Variants in SNTB1 observed in about 807,000 individuals in gnomAD.
SNTB1 encodes the protein beta-1-syntrophin.
A neutral mutation model predicts 48.9 loss-of-function variants in SNTB1; 36 were observed. That is an observed-to-expected ratio of 0.74 (90% CI 0.56 to 0.97). The LOEUF is 0.97. SNTB1 is among the 50% of genes least tolerant of loss of function. The pLI is 0.00. For synonymous variants in SNTB1, 299 were observed against 294.6 expected (o/e 1.01, Z -0.15); for missense variants, 786 against 703.4 (o/e 1.12, Z -1.33).
intron 2 of SNTB1, chr8:120,638,008 A>G (rs1005213576): frequency 5.6e-6 from 1 of 178,328 alleles, no homozygotes; most frequent in African/African-American, 2.4e-5. Flanking sequence ...ATTAACACCA[A>G]CAGTAACAAT....
rs188109365 is a variant in SNTB1 at position 120,542,387 on chromosome 8, G to A, written c.1334-387C>T. On this transcript the variant is annotated intron_variant, in intron 5 of 6. Transcript: ENST00000517992. Reference sequence around the variant, plus strand: ...TTTAAATAAGGCCAGTGGGCATGCTGGCTCACACCTGTAATCCCAGCTTTT... The same window carrying A: ...TTTAAATAAGGCCAGTGGGCATGCTAGCTCACACCTGTAATCCCAGCTTTT... 4.6e-5 allele frequency among the ~76,000 whole-genome samples: 7 copies of A among 152,304 alleles called. No homozygotes were observed. In the East Asian group the frequency reaches 1.4e-3, roughly 29 times the overall value.
chr8:120,753,334 C>T (rs1429470885), intron 1 of SNTB1, among the ~76,000 whole-genome samples: 1 of 152,104 alleles, frequency 6.6e-6, no homozygotes, highest in African/African-American at 2.4e-5. Flanking sequence ...TTAAAAAGTT[C>T]TTCCTTTATG....
At chr8:120,690,407 T>G (rs956647472) in intron 2 of SNTB1, among the ~76,000 whole-genome samples, 1 of 152,212 alleles carries the variant, frequency 6.6e-6, no homozygotes, top group African/African-American at 2.4e-5. Flanking sequence ...TGAATATGTT[T>G]CTGTCTATTT....
chr8:120,539,025 T>C, intron 6 of SNTB1, 56 bp from the exon 7 acceptor site: 1 of 1,362,184 alleles, frequency 7.3e-7, no homozygotes, highest in Non-Finnish European at 1.0e-6. Context: ...TTGATGTAGA[T>C]GGGTGATTTG....
At chr8:120,595,979 C>T (rs1159546473) in intron 3 of SNTB1, among the ~76,000 whole-genome samples, 1 of 152,194 alleles carries the variant, frequency 6.6e-6, no homozygotes, top group Non-Finnish European at 1.5e-5. Flanking sequence ...CTGTAATGGA[C>T]TCACTTTCTT....
At chr8:120,587,335 C>A (rs1816164833) in intron 3 of SNTB1, among the ~76,000 whole-genome samples, 1 of 152,200 alleles carries the variant, frequency 6.6e-6, no homozygotes, top group South Asian at 2.1e-4. Context: ...GAGTTCAGCA[C>A]CTTTCAAAGT....
intron 1 of SNTB1, among the ~76,000 whole-genome samples, chr8:120,718,304 C>T (rs141548606): frequency 8.5e-5 from 13 of 152,322 alleles, no homozygotes; most frequent in African/African-American, 2.9e-4. Flanking sequence ...AAGGGAGCCA[C>T]GTTTACAGGG....
intron 1 of SNTB1, among the ~76,000 whole-genome samples, chr8:120,765,053 C>T (rs1563594750): frequency 6.6e-6 from 1 of 152,038 alleles, no homozygotes; most frequent in Non-Finnish European, 1.5e-5. Context: ...AGGTGAAACC[C>T]CATCACTACT....
chr8:120,682,993 T>C (rs1817961281), intron 2 of SNTB1, among the ~76,000 whole-genome samples: 1 of 148,700 alleles, frequency 6.7e-6, no homozygotes, highest in Non-Finnish European at 1.5e-5. Context: ...GCCATTCTCC[T>C]GCCTCAGCCT....
chr8:120,587,704 G>A (rs1049316077), intron 3 of SNTB1, among the ~76,000 whole-genome samples: 2 of 152,274 alleles, frequency 1.3e-5, no homozygotes, highest in East Asian at 3.9e-4. Context: ...GCTCTCTCAC[G>A]GACCTTCTTC....
Position 120,811,581 on chromosome 8 carries a change from G to T in SNTB1, c.263C>A (p.Pro88His). The T allele has an allele frequency of 6.4e-7, 1 of 1,564,150 alleles. No homozygotes were observed. ...GAGGAQPPDS[P>H]AGVRTAFTDL... is the part of the protein sequence containing the mutation. ...GGTGAAAGCGGTGCGGACCCCGGCG[G>T]GCGAGTCCGGGGGCTGCGCGCCGCC... is the stretch of plus-strand genomic sequence containing the variant. Residue 88 changes from proline to histidine, a missense_variant, in exon 1 of 7, where the codon CCC becomes CAC. Coordinates refer to ENST00000517992, the MANE Select transcript of SNTB1 (RefSeq NM_021021.4).
At chr8:120,555,175 C>T (rs1025147413) in intron 4 of SNTB1, among the ~76,000 whole-genome samples, 1 of 152,066 alleles carries the variant, frequency 6.6e-6, no homozygotes, top group Admixed American at 6.6e-5. Flanking sequence ...GGGGTTGTCC[C>T]GCGCCAGGAA....
At position 120,632,493 on chromosome 8, in the gene SNTB1, C is replaced by A. The variant is rs762052318; in HGVS notation, c.947G>T (p.Gly316Val). Residue 316 changes from glycine to valine, a missense_variant, in exon 3 of 7, where the codon GGC becomes GTC. By Grantham distance (109) the Gly-to-Val change is moderately radical (BLOSUM62 -3). Coordinates refer to ENST00000517992, the MANE Select transcript of SNTB1 (RefSeq NM_021021.4). ...CCTAATCTCTCGGCTCCCAGCAATG[C>A]CTGTTTTCCCCAGCTGCTCTCTGAC... ...AEVREQLGKT[G>V]IAGSREIRHL... 6.2e-7 allele frequency: 1 copy of A among 1,614,126 alleles called. No individual in the cohort carries two copies. Among genetic ancestry groups the A allele is most frequent in the Non-Finnish European group, 8.5e-7 (1 of 1,180,012 alleles).
At position 120,772,250 on chromosome 8, in the gene SNTB1, C is replaced by CT. The variant is rs1288097097; in HGVS notation, c.571+39022dup. ...GGTTAGGGTCACACAATTTTTTCTT[C>CT]TTTTTTTTTTTTTGAGACAGAGTCT... On this transcript the variant is annotated intron_variant, in intron 1 of 6. Transcript: ENST00000517992. 8.9e-3 allele frequency among the ~76,000 whole-genome samples: 1,259 copies of CT among 141,410 alleles called. 18 individuals are homozygous for CT. Among genetic ancestry groups the CT allele is most frequent in the African/African-American group, 0.029 (1,110 of 38,722 alleles). The allele number at this position is 141,410 out of a possible 152,430, so 92.8% of individuals were successfully genotyped here.
chr8:120,595,405 C>T (rs1816307081), intron 3 of SNTB1, among the ~76,000 whole-genome samples: 1 of 152,122 alleles, frequency 6.6e-6, no homozygotes, highest in Admixed American at 6.5e-5. Context: ...CCACCAGCGC[C>T]ATGACAGTTT....
chr8:120,687,386 A>G (rs4871095), intron 2 of SNTB1, among the ~76,000 whole-genome samples: 73,356 of 152,048 alleles, frequency 0.48, 23,140 homozygotes, highest in African/African-American at 0.87. Flanking sequence ...TTAACTGAAG[A>G]GGATAAATTA....
At chr8:120,624,796 A>G (rs1286003308) in intron 3 of SNTB1, among the ~76,000 whole-genome samples, 1 of 152,230 alleles carries the variant, frequency 6.6e-6, no homozygotes. Flanking sequence ...TGTGAAATCA[A>G]AACAAGTTAT....
intron 2 of SNTB1, among the ~76,000 whole-genome samples, chr8:120,670,372 G>A (rs958373692): frequency 3.9e-5 from 6 of 152,274 alleles, no homozygotes; most frequent in African/African-American, 1.4e-4. Context: ...GGCAAGGGCT[G>A]GAAAATTGAT....
chr8:120,730,889 A>T (rs1260729244), intron 1 of SNTB1, among the ~76,000 whole-genome samples: 1 of 152,004 alleles, frequency 6.6e-6, no homozygotes, highest in Admixed American at 6.6e-5. Flanking sequence ...GGAGGCCGAG[A>T]CATGTGGATC....
Sources: gnomAD v4.1 joint callset for allele counts (sites outside exome capture counted in the v4.1 genomes callset) on GRCh38, gnomAD v4.1.1 for gene constraint, MANE v1.5 for transcripts, NCBI Gene and HGNC (gene_info 2026-07-23, HGNC 2026-07-21) for gene names.